Variants in RAB10 observed in about 807,000 individuals in gnomAD.
RAB10 encodes the protein ras-related protein Rab-10.
In RAB10, 5 loss-of-function variants were observed where a neutral mutation model predicts 25.7. The observed-to-expected ratio is 0.19, with a 90% CI of 0.10 to 0.41. The LOEUF is 0.41. RAB10 is among the 10% of genes least tolerant of loss of function. The pLI is 1.00. For missense variants in RAB10, 103 were observed against 245.8 expected, an observed-to-expected ratio of 0.42 and a Z score of 3.89; for synonymous variants, 89 against 86.4, an observed-to-expected ratio of 1.03 and a Z score of -0.16.
intron 3 of RAB10, among the ~76,000 whole-genome samples, chr2:26,124,388 G>GGTTTTTTT: frequency 5.8e-5 from 1 of 17,104 alleles, no homozygotes. Flanking sequence ...TGTTGTTGTT[G>GGTTTTTTT]CTTTTTTTTT....
chr2:26,095,754 A>C (rs559415083), intron 1 of RAB10, among the ~76,000 whole-genome samples: 1 of 152,206 alleles, frequency 6.6e-6, no homozygotes, highest in East Asian at 1.9e-4. Flanking sequence ...TCTACAAATA[A>C]TACAAGAATT....
chr2:26,083,605 A>G (rs1666917370), intron 1 of RAB10, among the ~76,000 whole-genome samples: 1 of 152,066 alleles, frequency 6.6e-6, no homozygotes, highest in South Asian at 2.1e-4. Flanking sequence ...CCGGGATTAC[A>G]AGTGTGTGCC....
At chr2:26,038,220 G>A (rs1665805787) in intron 1 of RAB10, among the ~76,000 whole-genome samples, 1 of 149,390 alleles carries the variant, frequency 6.7e-6, no homozygotes, top group Admixed American at 6.7e-5. Flanking sequence ...TTTTGAGATG[G>A]ATTTTCGCTT....
chr2:26,063,430 A>AT (rs5829995), intron 1 of RAB10, among the ~76,000 whole-genome samples: 115,384 of 150,576 alleles, frequency 0.77, 44,154 homozygotes, highest in East Asian at 0.87. Flanking sequence ...TCTTTATGTG[A>AT]TTTTTTTTTT....
intron 1 of RAB10, among the ~76,000 whole-genome samples, chr2:26,051,660 A>T (rs1666136504): frequency 6.9e-6 from 1 of 145,642 alleles, no homozygotes. Context: ...AGGCTGAGGC[A>T]GGAGAATCAC....
chr2:26,033,931 T>C (rs1665695135), upstream of RAB10, among the ~76,000 whole-genome samples: 1 of 152,164 alleles, frequency 6.6e-6, no homozygotes, highest in Non-Finnish European at 1.5e-5. Flanking sequence ...GCCCCTCCCT[T>C]CTCCCCTCTG....
chr2:26,093,919 G>A (rs867736545), intron 1 of RAB10, among the ~76,000 whole-genome samples: 6 of 152,066 alleles, frequency 3.9e-5, no homozygotes, highest in Non-Finnish European at 7.4e-5. Flanking sequence ...TTGAGGAGTG[G>A]GGTGTTAACT....
chr2:26,098,783 A>G, intron 2 of RAB10, 61 bp downstream of exon 2: 1 of 1,381,100 alleles, frequency 7.2e-7, no homozygotes, highest in Non-Finnish European at 1.0e-6. Context: ...TTTCACAGTG[A>G]AATTCTTTTT....
intron 3 of RAB10, among the ~76,000 whole-genome samples, chr2:26,114,737 C>CAAAAAAAAAAAAAAAAA (rs58252306): frequency 3.6e-4 from 24 of 66,074 alleles, no homozygotes; most frequent in African/African-American, 1.3e-3. Flanking sequence ...CAAAAATATA[C>CAAAAAAAAAAAAAAAAA]AAAAAAAAAA....
chr2:26,123,939 C>T (rs751118581), intron 3 of RAB10, among the ~76,000 whole-genome samples: 18 of 152,198 alleles, frequency 1.2e-4, no homozygotes, highest in Non-Finnish European at 2.4e-4. Flanking sequence ...CCTCTGCCTT[C>T]CCTGAGACAG....
At chr2:26,118,367 A>G (rs1267114537) in intron 3 of RAB10, among the ~76,000 whole-genome samples, 1 of 141,844 alleles carries the variant, frequency 7.1e-6, no homozygotes, top group African/African-American at 2.6e-5. Flanking sequence ...GCTGGAGTGC[A>G]GTGGTGTGAA....
chr2:26,056,281 C>T (rs1394815427), intron 1 of RAB10, among the ~76,000 whole-genome samples: 2 of 152,132 alleles, frequency 1.3e-5, no homozygotes, highest in African/African-American at 4.8e-5. Flanking sequence ...TCACTGCAAC[C>T]TGCGCCTCCC....
intron 1 of RAB10, 151 bp from the exon 2 acceptor site, chr2:26,098,511 T>A (rs1667276666): frequency 3.3e-6 from 2 of 615,244 alleles, no homozygotes; most frequent in East Asian, 6.1e-5. Context: ...TAAAATTGGA[T>A]ACATTTGCTC....
intron 1 of RAB10, among the ~76,000 whole-genome samples, chr2:26,081,726 C>T (rs758874514): frequency 5.3e-5 from 8 of 151,414 alleles, no homozygotes; most frequent in Admixed American, 1.3e-4. Context: ...AAAGTTATTT[C>T]GAAATAAAAA....
intron 1 of RAB10, among the ~76,000 whole-genome samples, chr2:26,045,341 G>A (rs1665978643): frequency 1.3e-5 from 2 of 151,716 alleles, no homozygotes; most frequent in Admixed American, 1.3e-4. Context: ...CCGGGTTCAC[G>A]CCATTCTCCT....
At chr2:26,070,120 G>T (rs866707562) in intron 1 of RAB10, among the ~76,000 whole-genome samples, 2 of 152,212 alleles carry the variant, frequency 1.3e-5, no homozygotes, top group Non-Finnish European at 2.9e-5. Flanking sequence ...GCAGCTACAC[G>T]AATTCTTCTA....
At chr2:26,134,869 C>T (rs1396825842) in intron 5 of RAB10, 69 bp from the exon 6 acceptor site, 5 of 1,223,956 alleles carry the variant, frequency 4.1e-6, no homozygotes, top group Admixed American at 1.9e-5. Flanking sequence ...AAGAATATTC[C>T]TGTTGAATCG....
intron 2 of RAB10, among the ~76,000 whole-genome samples, chr2:26,099,529 T>G (rs1164036020): frequency 7.6e-6 from 1 of 131,870 alleles, no homozygotes; most frequent in Non-Finnish European, 1.5e-5. Flanking sequence ...TTTGTTTTTT[T>G]GGGTTTTTTT....
At chr2:26,098,284 CTA>C (rs1667270351) in intron 1 of RAB10, among the ~76,000 whole-genome samples, 1 of 151,880 alleles carries the variant, frequency 6.6e-6, no homozygotes, top group Non-Finnish European at 1.5e-5. Flanking sequence ...CTATGCCTGG[CTA>C]ATTTTTTGTG....
Sources: allele counts gnomAD v4.1 joint callset (sites outside exome capture counted in the v4.1 genomes callset), GRCh38; gene constraint gnomAD v4.1.1; transcripts MANE v1.5; gene names NCBI Gene and HGNC (gene_info 2026-07-23, HGNC 2026-07-21).